CNTN4: variants seen among roughly 807,000 people sequenced by gnomAD.
CNTN4 encodes contactin 4.
In CNTN4, 77 loss-of-function variants were observed where a neutral mutation model predicts 122.5. The observed-to-expected ratio is 0.63, with a 90% CI of 0.52 to 0.76. CNTN4 has a LOEUF of 0.76. Ranked by LOEUF, CNTN4 falls within the 30% of genes least tolerant of loss-of-function variation. CNTN4 has a pLI of 0.00. For missense variants in CNTN4, 1,256 were observed against 1,259.1 expected (o/e 1.00, Z 0.04); for synonymous variants, 512 against 447.0 (o/e 1.15, Z -1.83).
chr3:2,614,119 T>C (rs1182337779), intron 4 of CNTN4, among the ~76,000 whole-genome samples: 1 of 152,114 alleles, frequency 6.6e-6, no homozygotes, highest in Non-Finnish European at 1.5e-5. Context: ...GGGTAACTAC[T>C]TTAGGGGTCA....
intron 3 of CNTN4, among the ~76,000 whole-genome samples, chr3:2,568,196 T>C (rs531254491): frequency 6.6e-6 from 1 of 152,068 alleles, no homozygotes; most frequent in African/African-American, 2.4e-5. Context: ...AAACCAGGAC[T>C]CTTAAGGGAA....
intron 13 of CNTN4, among the ~76,000 whole-genome samples, chr3:2,950,301 T>TC (rs141016047): frequency 0.027 from 4,101 of 152,320 alleles, 202 homozygotes; most frequent in African/African-American, 0.094. Context: ...ACTCAGGTTG[T>TC]CTGGCATCTG....
intron 14 of CNTN4, among the ~76,000 whole-genome samples, chr3:3,013,692 T>C (rs1003729454): frequency 6.6e-6 from 1 of 151,266 alleles, no homozygotes; most frequent in Non-Finnish European, 1.5e-5. Context: ...TAAGAAATGA[T>C]TTTGTAAACT....
At chr3:2,736,152 TCC>T in intron 4 of CNTN4, 61 bp from the exon 5 acceptor site, 2 of 1,506,104 alleles carry the variant, frequency 1.3e-6, no homozygotes, top group Non-Finnish European at 1.8e-6. Context: ...TGTTGTTGTT[TCC>T]TGTTGTTGTT....
chr3:2,866,382 A>T (rs538125778), intron 7 of CNTN4: 5 of 827,918 alleles, frequency 6.0e-6, no homozygotes, highest in South Asian at 7.4e-5. Context: ...GGCTTCCAGC[A>T]TTACTATATC....
At chr3:2,921,108 G>T (rs2094425446) in intron 12 of CNTN4, among the ~76,000 whole-genome samples, 2 of 152,208 alleles carry the variant, frequency 1.3e-5, no homozygotes, top group Non-Finnish European at 2.9e-5. Context: ...TGTGAGCCTA[G>T]CTCACTGCAG....
chr3:2,496,596 G>A (rs66492629), intron 3 of CNTN4, among the ~76,000 whole-genome samples: 21,304 of 152,058 alleles, frequency 0.14, 1,584 homozygotes, highest in Middle Eastern at 0.18. Context: ...TCTGTGATGG[G>A]TGGTTGGAAA....
intron 4 of CNTN4, among the ~76,000 whole-genome samples, chr3:2,590,684 C>T (rs375436440): frequency 1.2e-4 from 19 of 152,072 alleles, no homozygotes; most frequent in African/African-American, 4.6e-4. Flanking sequence ...TAAATCATGT[C>T]AACCGCTTCC....
Position 2,192,192 on chromosome 3 carries a change from G to A in CNTN4, c.-145+91553G>A, listed in dbSNP as rs190316375. Among the ~76,000 whole-genome samples the A allele has an allele frequency of 4.0e-3, 613 of 152,226 alleles. 3 individuals carry two copies. The highest frequency in any genetic ancestry group is 7.0e-3 in the Non-Finnish European group (476 of 68,016). On this transcript the variant is annotated intron_variant, in intron 2 of 24. Coordinates refer to ENST00000418658, the MANE Select transcript of CNTN4 (RefSeq NM_175607.3). Reference sequence around the variant, plus strand: ...GTGAATAGTGCCACAGTAAACATACGTGTGCATGTGTCTTTATAGCAGCAT... The same window carrying A: ...GTGAATAGTGCCACAGTAAACATACATGTGCATGTGTCTTTATAGCAGCAT...
chr3:2,595,902 A>G lies in CNTN4; in HGVS notation c.55+24344A>G, dbSNP rs555249809. Among the ~76,000 whole-genome samples, 18 of 152,322 alleles carry G rather than the reference A, an allele frequency of 1.2e-4. No individual in the cohort carries two copies. In the South Asian group the frequency reaches 3.5e-3, roughly 30 times the overall value. On this transcript the variant is annotated intron_variant, in intron 4 of 24. Coordinates refer to ENST00000418658, the MANE Select transcript of CNTN4 (RefSeq NM_175607.3). ...CATCATTTAGTGGAAACCTCACTGT[A>G]ATCGCCATGAGGATTATGTATCATC...
At position 2,185,375 on chromosome 3, in the gene CNTN4, T is replaced by C. The variant is rs71309874; in HGVS notation, c.-145+84736T>C. ...CCCTATGTCCAAATTCTGGATTCTT[T>C]ACTAATTGGAAACTGCTATTATAGG... On this transcript the variant is annotated intron_variant, in intron 2 of 24. Transcript: ENST00000418658. 3.6e-3 allele frequency among the ~76,000 whole-genome samples: 542 copies of C among 152,326 alleles called. 4 individuals carry two copies. Among genetic ancestry groups the C allele is most frequent in the Non-Finnish European group, 6.3e-3 (429 of 68,026 alleles).
intron 15 of CNTN4, among the ~76,000 whole-genome samples, chr3:3,026,986 T>A (rs943560789): frequency 2.0e-5 from 3 of 152,152 alleles, no homozygotes; most frequent in Non-Finnish European, 4.4e-5. Flanking sequence ...CCGGCTGCCA[T>A]TTTTATGATG....
At position 3,053,795 on chromosome 3, in the gene CNTN4, C is replaced by T. The variant is rs1483528374; in HGVS notation, c.2812-12C>T. 6.2e-7 allele frequency: 1 copy of T among 1,614,068 alleles called. No homozygotes were observed. Among genetic ancestry groups the T allele is most frequent in the Non-Finnish European group, 8.5e-7 (1 of 1,179,910 alleles). On this transcript the variant is annotated splice_polypyrimidine_tract_variant and intron_variant, in intron 23 of 24. Coordinates refer to ENST00000418658, the MANE Select transcript of CNTN4 (RefSeq NM_175607.3). ...AGACGGCAGGTGACACCTGTTCTTTCTGTATTGGCAGGTCTTGTACAGATG... is the reference window on the plus strand; with the variant it reads ...AGACGGCAGGTGACACCTGTTCTTTTTGTATTGGCAGGTCTTGTACAGATG...
At chr3:2,480,006 A>G (rs1461740218) in intron 3 of CNTN4, among the ~76,000 whole-genome samples, 1 of 152,180 alleles carries the variant, frequency 6.6e-6, no homozygotes, top group Non-Finnish European at 1.5e-5. Flanking sequence ...TCAGTAGGCT[A>G]AAGAAGAAAA....
intron 4 of CNTN4, among the ~76,000 whole-genome samples, chr3:2,615,326 G>A (rs1327079197): frequency 6.6e-6 from 1 of 152,148 alleles, no homozygotes; most frequent in Non-Finnish European, 1.5e-5. Context: ...AGCAGAAGTT[G>A]GTGACTTTCA....
intron 3 of CNTN4, among the ~76,000 whole-genome samples, chr3:2,364,431 A>G (rs1023241685): frequency 6.6e-6 from 1 of 152,166 alleles, no homozygotes; most frequent in African/African-American, 2.4e-5. Flanking sequence ...GGGTTGGCAC[A>G]GCAGGGAGAA....
chr3:2,239,465 C>T (rs979576923), intron 2 of CNTN4, among the ~76,000 whole-genome samples: 5 of 152,128 alleles, frequency 3.3e-5, no homozygotes, highest in African/African-American at 9.7e-5. Flanking sequence ...TCCTATCCTG[C>T]TAGGCCATCA....
chr3:2,113,634 A>C (rs2033127085), intron 2 of CNTN4, among the ~76,000 whole-genome samples: 1 of 152,214 alleles, frequency 6.6e-6, no homozygotes, highest in Non-Finnish European at 1.5e-5. Context: ...ATACTATAGG[A>C]TGAAGGATAG....
chr3:2,764,182 T>C (rs2090732828), intron 6 of CNTN4, among the ~76,000 whole-genome samples: 1 of 152,154 alleles, frequency 6.6e-6, no homozygotes. Context: ...TAGTTCATGT[T>C]CTAGTATGGA....
Sources: allele counts gnomAD v4.1 joint callset (sites outside exome capture counted in the v4.1 genomes callset), GRCh38; gene constraint gnomAD v4.1.1; transcripts MANE v1.5; gene names NCBI Gene and HGNC (gene_info 2026-07-23, HGNC 2026-07-21).